The following SORCS2 variants were observed in gnomAD, a reference collection of about 807,000 sequenced individuals.
SORCS2 encodes the protein sortilin related VPS10 domain containing receptor 2, also known as VPS10 domain-containing receptor SorCS2.
In SORCS2, 100 loss-of-function variants were observed where a neutral mutation model predicts 141.6. That is an observed-to-expected ratio of 0.71 (90% CI 0.60 to 0.83). The LOEUF (loss-of-function observed/expected upper bound fraction) is 0.83. Among genes scored for constraint, SORCS2 ranks in the 40% least tolerant of loss-of-function variants. SORCS2 has a pLI of 0.00. For synonymous variants in SORCS2, 789 were observed against 676.9 expected (o/e 1.17, Z -2.57); for missense variants, 1,646 against 1,560.2 (o/e 1.05, Z -0.93).
intron 5 of SORCS2, among the ~76,000 whole-genome samples, chr4:7,658,953 G>C (rs1223912176): frequency 6.6e-6 from 1 of 152,226 alleles, no homozygotes. Flanking sequence ...ACTGATACCA[G>C]GAAGTGACTT....
At chr4:7,477,196 C>T (rs940021659) in intron 2 of SORCS2, among the ~76,000 whole-genome samples, 2 of 151,308 alleles carry the variant, frequency 1.3e-5, no homozygotes, top group Middle Eastern at 3.4e-3. Flanking sequence ...ACGTGGCCTC[C>T]GGCACCAAGG....
intron 1 of SORCS2, among the ~76,000 whole-genome samples, chr4:7,279,638 G>C (rs1467459876): frequency 2.0e-5 from 3 of 152,224 alleles, no homozygotes; most frequent in Non-Finnish European, 4.4e-5. Context: ...CAGGCCTTAG[G>C]TTTGCCTCTG....
intron 3 of SORCS2, among the ~76,000 whole-genome samples, chr4:7,593,959 A>T (rs559056190): frequency 1.2e-4 from 19 of 152,342 alleles, no homozygotes; most frequent in African/African-American, 3.8e-4. Context: ...GCATTTATTG[A>T]AATCCATCCT....
chr4:7,246,030 A>C (rs1480524909), intron 1 of SORCS2, among the ~76,000 whole-genome samples: 1 of 152,212 alleles, frequency 6.6e-6, no homozygotes, highest in African/African-American at 2.4e-5. Context: ...TGTCAGTCAG[A>C]AAGGGATTGT....
At chr4:7,457,815 A>G (rs73091598) in intron 2 of SORCS2, among the ~76,000 whole-genome samples, 1,568 of 152,346 alleles carry the variant, frequency 0.01, 25 homozygotes, top group African/African-American at 0.036. Context: ...GGAAGAGGCC[A>G]GAAAGGGAAA....
intron 16 of SORCS2, 73 bp from the exon 17 acceptor site, chr4:7,715,109 AT>A (rs1453379001): frequency 1.1e-5 from 17 of 1,585,404 alleles, no homozygotes; most frequent in Non-Finnish European, 1.5e-5. Flanking sequence ...GCTCCCCCAG[AT>A]TTCACCCCAA....
At chr4:7,433,347 T>A in intron 2 of SORCS2, 2 of 1,431,612 alleles carry the variant, frequency 1.4e-6, no homozygotes, top group Non-Finnish European at 1.8e-6. Context: ...GGTGCATCTC[T>A]TTCCATACAT....
intron 1 of SORCS2, among the ~76,000 whole-genome samples, chr4:7,280,104 T>C (rs1326156995): frequency 6.6e-6 from 1 of 152,132 alleles, no homozygotes; most frequent in African/African-American, 2.4e-5. Flanking sequence ...CCTCTCTGTC[T>C]CCTTTTTGGG....
Position 7,724,209 on chromosome 4 carries a change from T to A in SORCS2, c.2611+326T>A, listed in dbSNP as rs1017464119. Among the ~76,000 whole-genome samples, 106 of 149,410 alleles carry A rather than the reference T, an allele frequency of 7.1e-4. 1 individual carries two copies. Among genetic ancestry groups the A allele is most frequent in the Non-Finnish European group, 1.5e-3 (99 of 67,602 alleles). Reference sequence around the variant, plus strand: ...GTACTGGTGGTGGTGGTGATGGTACTAATGATGATTATAGTGGAGGTGGTA... The same window carrying A: ...GTACTGGTGGTGGTGGTGATGGTACAAATGATGATTATAGTGGAGGTGGTA... On this transcript the variant is annotated intron_variant, in intron 19 of 26. Coordinates refer to ENST00000507866, the MANE Select transcript of SORCS2 (RefSeq NM_020777.3).
intron 1 of SORCS2, among the ~76,000 whole-genome samples, chr4:7,319,222 A>G (rs576746763): frequency 1.3e-5 from 2 of 152,108 alleles, no homozygotes; most frequent in East Asian, 3.9e-4. Context: ...ATTGTTGGAC[A>G]TTGTGTATAG....
intron 2 of SORCS2, among the ~76,000 whole-genome samples, chr4:7,502,275 G>C (rs1410421253): frequency 6.6e-6 from 1 of 152,214 alleles, no homozygotes; most frequent in East Asian, 1.9e-4. Context: ...GCCAGCACGA[G>C]GCTTCGCCAG....
chr4:7,332,398 A>G (rs1719708341), intron 1 of SORCS2, among the ~76,000 whole-genome samples: 1 of 152,196 alleles, frequency 6.6e-6, no homozygotes, highest in Non-Finnish European at 1.5e-5. Flanking sequence ...TTCTCCAGAT[A>G]GGAATGTGGT....
intron 2 of SORCS2, among the ~76,000 whole-genome samples, chr4:7,455,921 C>T (rs1157936206): frequency 6.6e-6 from 1 of 152,196 alleles, no homozygotes; most frequent in Non-Finnish European, 1.5e-5. Flanking sequence ...TTAGTCCACT[C>T]AGGCTGCCAA....
In SORCS2 at chr4:7,648,702, A is replaced by C. The variant is rs898446480; in HGVS notation, c.814-5432A>C. On this transcript the variant is annotated intron_variant, in intron 4 of 26. Coordinates refer to ENST00000507866, the MANE Select transcript of SORCS2 (RefSeq NM_020777.3). This position sits in a 1 kb window ranked among gnomAD's most constrained non-coding sequence, Gnocchi z 4.2. ...CCTCTGCATGGTTGGAGAGCTCAGA[A>C]TGTGAGCTTGGACCTGCCATGGTGG... Among the ~76,000 whole-genome samples the C allele has an allele frequency of 1.3e-5, 2 of 152,012 alleles. No homozygotes were observed. The highest frequency in any genetic ancestry group is 2.9e-5 in the Non-Finnish European group (2 of 67,984).
chr4:7,348,612 C>T (rs543422315), intron 1 of SORCS2, among the ~76,000 whole-genome samples: 30 of 152,276 alleles, frequency 2.0e-4, no homozygotes, highest in South Asian at 1.0e-3. Flanking sequence ...AGTGCAGTGG[C>T]GCAATCTCGG....
chr4:7,426,121 T>C (rs1355456165), intron 2 of SORCS2, among the ~76,000 whole-genome samples: 3 of 152,210 alleles, frequency 2.0e-5, no homozygotes, highest in Non-Finnish European at 4.4e-5. Context: ...CCGAAACAGA[T>C]GCACTCACAA....
At chr4:7,578,310 T>C (rs1466421228) in intron 3 of SORCS2, among the ~76,000 whole-genome samples, 8 of 152,294 alleles carry the variant, frequency 5.3e-5, no homozygotes, top group Middle Eastern at 3.4e-3. Flanking sequence ...ATAAATCACT[T>C]TCCTTAATAA....
chr4:7,396,723 G>T (rs776419868), intron 2 of SORCS2, among the ~76,000 whole-genome samples: 2 of 152,198 alleles, frequency 1.3e-5, no homozygotes, highest in African/African-American at 4.8e-5. Flanking sequence ...AGCTCCTGGA[G>T]CCCACCAAAG....
chr4:7,261,644 C>T (rs184140783), intron 1 of SORCS2, among the ~76,000 whole-genome samples: 1 of 152,372 alleles, frequency 6.6e-6, no homozygotes, highest in East Asian at 1.9e-4. Flanking sequence ...ATTAAGGAAG[C>T]TGCAATTGAT....
Sources: allele counts gnomAD v4.1 joint callset (sites outside exome capture counted in the v4.1 genomes callset), GRCh38; gene constraint gnomAD v4.1.1; non-coding constraint Gnocchi (gnomAD v3.1); transcripts MANE v1.5; gene names NCBI Gene and HGNC (gene_info 2026-07-23, HGNC 2026-07-21).